MCM9: variants seen among roughly 807,000 people sequenced by gnomAD.
MCM9 encodes the protein DNA helicase MCM9.
In MCM9, 55 loss-of-function variants were observed where a neutral mutation model predicts 72.8. The ratio of observed to expected loss-of-function variants is 0.76; its 90% confidence interval spans 0.61 to 0.95. The LOEUF is 0.95. Ranked by LOEUF, MCM9 falls within the 40% of genes least tolerant of loss-of-function variation. The pLI is 0.00. For missense variants in MCM9, 1,279 were observed against 1,377.0 expected (o/e 0.93, Z 1.13); for synonymous variants, 480 against 503.4 (o/e 0.95, Z 0.62).
At position 118,829,245 on chromosome 6, in the gene MCM9, A is replaced by G. The variant is rs1417534506; in HGVS notation, c.1331T>C (p.Val444Ala). 1 of 1,548,304 alleles carries G rather than the reference A, an allele frequency of 6.5e-7. No homozygotes were observed. The highest frequency in any genetic ancestry group is 1.4e-5 in the African/African-American group (1 of 72,980). Residue 444 changes from valine to alanine, a missense_variant, in exon 10 of 14, where the codon GTG becomes GCG. Transcript: ENST00000619706. ...GGTGGTCCTTGTGTTCAGCTTGCAC[A>G]CGAGGCTGCCAGGAGAGACAGTACA... Reference protein sequence around the residue: ...QTISVAKAGLVCKLNTRTTIL... With the variant: ...QTISVAKAGLACKLNTRTTIL...
chr6:118,815,315 G>A lies in MCM9; in HGVS notation c.2941C>T (p.Gln981Ter), dbSNP rs1773339767. The change falls in exon 14 of 14, where the codon CAG becomes TAG. Residue 981 changes from glutamine to a stop codon, truncating the protein, a stop_gained. Coordinates refer to ENST00000619706, the MANE Select transcript of MCM9 (RefSeq NM_017696.3). LOFTEE classifies it low-confidence loss of function (END_TRUNC). ...PGKLTSTPGNQISSQPQGETK... is the reference protein window; with the variant it reads ...PGKLTSTPGN The stretch of plus-strand genomic sequence containing the variant: ...TCACCCTGTGGCTGACTGGAGATCT[G>A]GTTTCCTGGGGTAGATGTTAACTTT... The A allele has an allele frequency of 6.4e-7, 1 of 1,550,566 alleles. No individual in the cohort carries two copies. Among genetic ancestry groups the A allele is most frequent in the Middle Eastern group, 1.7e-4 (1 of 5,988 alleles).
intron 9 of MCM9, among the ~76,000 whole-genome samples, chr6:118,837,247 A>C (rs1775024689): frequency 6.6e-6 from 1 of 151,626 alleles, no homozygotes; most frequent in African/African-American, 2.4e-5. Flanking sequence ...TATGATTTTC[A>C]CTCTTTTGCA....
At chr6:118,859,434 C>A (rs1275968658) in intron 8 of MCM9, among the ~76,000 whole-genome samples, 1 of 152,204 alleles carries the variant, frequency 6.6e-6, no homozygotes, top group African/African-American at 2.4e-5. Flanking sequence ...TCAGTAACTT[C>A]TTAGACCCAT....
At chr6:118,895,933 A>G (rs1779369818) in intron 8 of MCM9, among the ~76,000 whole-genome samples, 1 of 151,984 alleles carries the variant, frequency 6.6e-6, no homozygotes, top group African/African-American at 2.4e-5. Context: ...ATTGTAATAA[A>G]CTTTTAGAAA....
intron 8 of MCM9, among the ~76,000 whole-genome samples, chr6:118,886,824 G>GCA (rs377151420): frequency 7.9e-5 from 12 of 151,334 alleles, no homozygotes; most frequent in South Asian, 2.1e-4. Flanking sequence ...GGATGTGGTG[G>GCA]CACACACACA....
At chr6:118,827,859 G>A (rs1382311242) in intron 11 of MCM9, 68 bp downstream of exon 11, 5 of 1,433,826 alleles carry the variant, frequency 3.5e-6, no homozygotes, top group Non-Finnish European at 4.8e-6. Flanking sequence ...TGAATCCATG[G>A]TGCCAAGCCC....
intron 8 of MCM9, chr6:118,900,690 C>T (rs1779748376): frequency 9.6e-7 from 1 of 1,038,382 alleles, no homozygotes. Flanking sequence ...GCTAAGTGGA[C>T]ATTAAAAGGG....
rs866950017 is a variant in MCM9 at position 118,843,724 on chromosome 6, A to G, written c.1325+12647T>C. 5.0e-3 allele frequency among the ~76,000 whole-genome samples: 595 copies of G among 118,812 alleles called. 10 individuals carry two copies. Among genetic ancestry groups the G allele is most frequent in the South Asian group, 0.017 (59 of 3,534 alleles). The allele number at this position is 118,812 out of a possible 152,430, so 77.9% of individuals were successfully genotyped here. On this transcript the variant is annotated intron_variant, in intron 9 of 13. Coordinates refer to ENST00000619706, the MANE Select transcript of MCM9 (RefSeq NM_017696.3). ...TATATGTATGTATATATATATGTATATATATATATATATATATGAGAAATT... is the reference window on the plus strand; with the variant it reads ...TATATGTATGTATATATATATGTATGTATATATATATATATATGAGAAATT...
At chr6:118,923,763 G>A in intron 4 of MCM9, 48 bp downstream of exon 4, 2 of 1,549,366 alleles carry the variant, frequency 1.3e-6, no homozygotes, top group Non-Finnish European at 1.8e-6. Flanking sequence ...GCCCATAGCT[G>A]AAAAACACTT....
chr6:118,832,636 T>C (rs1345097680), intron 9 of MCM9, among the ~76,000 whole-genome samples: 1 of 152,252 alleles, frequency 6.6e-6, no homozygotes, highest in Non-Finnish European at 1.5e-5. Flanking sequence ...TTTACATTTA[T>C]TTAATGCACA....
intron 5 of MCM9, chr6:118,919,089 G>C (rs1412948835): frequency 6.6e-6 from 1 of 152,124 alleles, no homozygotes; most frequent in African/African-American, 2.4e-5. Flanking sequence ...AAAATGATTG[G>C]GGGCAACTTT....
intron 9 of MCM9, among the ~76,000 whole-genome samples, chr6:118,832,871 G>A (rs1327533737): frequency 6.6e-6 from 1 of 152,162 alleles, no homozygotes; most frequent in African/African-American, 2.4e-5. Flanking sequence ...GTGGCACCAG[G>A]TGCTATATGT....
intron 9 of MCM9, among the ~76,000 whole-genome samples, chr6:118,845,439 T>A (rs532414523): frequency 1.3e-5 from 2 of 152,032 alleles, no homozygotes; most frequent in Non-Finnish European, 2.9e-5. Flanking sequence ...AGCTCTGGAC[T>A]CTCTGCCCTC....
chr6:118,923,029 C>CAAAAA (rs780562520), intron 4 of MCM9, among the ~76,000 whole-genome samples: 156 of 42,600 alleles, frequency 3.7e-3, no homozygotes, highest in Middle Eastern at 0.012. Context: ...AACTCCATCT[C>CAAAAA]AAAAAAAAAA....
intron 8 of MCM9, among the ~76,000 whole-genome samples, chr6:118,895,187 G>C (rs1005851945): frequency 1.3e-5 from 2 of 151,776 alleles, no homozygotes; most frequent in African/African-American, 4.8e-5. Flanking sequence ...GCGCAGGCTC[G>C]GCCCCTCCGC....
chr6:118,885,575 C>G (rs914227050), intron 8 of MCM9, among the ~76,000 whole-genome samples: 1 of 152,088 alleles, frequency 6.6e-6, no homozygotes, highest in Non-Finnish European at 1.5e-5. Flanking sequence ...TTAGATGAAA[C>G]TGACAAATCC....
rs1773276922 is a variant in MCM9, at chr6:118,814,334, G to A, written c.*490C>T. The A allele has an allele frequency of 6.6e-6, 1 of 151,762 alleles. No individual in the cohort carries two copies. Among genetic ancestry groups the A allele is most frequent in the East Asian group, 1.9e-4 (1 of 5,162 alleles). The allele number at this position is 151,762 out of a possible 1,614,324, so 9.4% of individuals were successfully genotyped here. A position where few individuals can be genotyped will look rare whatever the true frequency, so the allele number is the denominator to read the frequency against. ...AATACTAGAAAAATAGTCTGATTTTGGCAAATCATCCAAGTGATTATATTC... is the reference window on the plus strand; with the variant it reads ...AATACTAGAAAAATAGTCTGATTTTAGCAAATCATCCAAGTGATTATATTC... On this transcript the variant is annotated 3_prime_UTR_variant, in exon 14 of 14. Coordinates refer to ENST00000619706, the MANE Select transcript of MCM9 (RefSeq NM_017696.3).
intron 8 of MCM9, among the ~76,000 whole-genome samples, chr6:118,877,911 T>G (rs766479227): frequency 2.0e-5 from 3 of 152,134 alleles, no homozygotes; most frequent in African/African-American, 7.2e-5. Context: ...ACCTGTAATC[T>G]CAACACTTTA....
intron 8 of MCM9, chr6:118,894,273 G>GA (rs1583571320): frequency 6.8e-7 from 1 of 1,462,744 alleles, no homozygotes; most frequent in South Asian, 1.4e-5. Context: ...ATAAAAAGAG[G>GA]AAAAAAGTTT....
Sources: gnomAD v4.1 joint callset for allele counts (sites outside exome capture counted in the v4.1 genomes callset) on GRCh38, gnomAD v4.1.1 for gene constraint, MANE v1.5 for transcripts, NCBI Gene and HGNC (gene_info 2026-07-23, HGNC 2026-07-21) for gene names.